PRKD3: variants seen among roughly 807,000 people sequenced by gnomAD.
PRKD3 encodes serine/threonine-protein kinase D3.
A neutral mutation model predicts 99.2 loss-of-function variants in PRKD3; 47 were observed. The ratio of observed to expected loss-of-function variants is 0.47; its 90% confidence interval spans 0.38 to 0.60. The LOEUF (loss-of-function observed/expected upper bound fraction) is 0.60, where lower values mean the gene tolerates loss of function less well. PRKD3 is among the 20% of genes least tolerant of loss of function. The probability of loss-of-function intolerance (pLI) is 0.00; values close to 1 mark genes in which losing one functional copy is unlikely to be tolerated. For synonymous variants in PRKD3, 392 were observed against 355.4 expected, an observed-to-expected ratio of 1.10 and a Z score of -1.16; for missense variants, 1,019 against 1,088.4, an observed-to-expected ratio of 0.94 and a Z score of 0.90.
Position 37,286,382 on chromosome 2 carries a change from T to C in PRKD3, c.718-13A>G. On this transcript the variant is annotated splice_polypyrimidine_tract_variant and intron_variant, in intron 5 of 18. Coordinates refer to ENST00000234179, the MANE Select transcript of PRKD3 (RefSeq NM_005813.6). ...GGTGGACATGTGACTATAACATAAG[T>C]AATTTTCATAAGTGTAAGTCAATAT... is the stretch of plus-strand genomic sequence containing the variant. The C allele has an allele frequency of 6.2e-7, 1 of 1,606,034 alleles. No individual in the cohort carries two copies. The highest frequency in any genetic ancestry group is 1.3e-5 in the African/African-American group (1 of 74,832).
At chr2:37,319,665 C>T (rs778916430) in intron 1 of PRKD3, among the ~76,000 whole-genome samples, 1 of 151,814 alleles carries the variant, frequency 6.6e-6, no homozygotes, top group Non-Finnish European at 1.5e-5. Flanking sequence ...ACTGAGAACA[C>T]ATCAGCATCC....
chr2:37,293,076 A>G, intron 3 of PRKD3, 57 bp downstream of exon 3: 2 of 1,463,756 alleles, frequency 1.4e-6, no homozygotes, highest in Non-Finnish European at 1.9e-6. Context: ...CATTTAGTAC[A>G]GAAAATTAGG....
At chr2:37,267,566 G>T (rs1249749397) in intron 13 of PRKD3, 30 bp from the exon 14 acceptor site, 1 of 1,447,938 alleles carries the variant, frequency 6.9e-7, no homozygotes, top group Non-Finnish European at 9.7e-7. Context: ...AGGAACGAAT[G>T]AAGCAAACTG....
chr2:37,258,945 G>C (rs1003455654), intron 16 of PRKD3, among the ~76,000 whole-genome samples: 2 of 152,042 alleles, frequency 1.3e-5, no homozygotes, highest in Admixed American at 1.3e-4. Flanking sequence ...AATGGCTGCA[G>C]GGTACCACCA....
chr2:37,255,572 G>C (rs1667865080), intron 17 of PRKD3, among the ~76,000 whole-genome samples: 1 of 152,172 alleles, frequency 6.6e-6, no homozygotes, highest in African/African-American at 2.4e-5. Context: ...CCACAGGAGA[G>C]AGGAAAACAA....
chr2:37,299,256 C>G (rs1445068662), intron 2 of PRKD3, among the ~76,000 whole-genome samples: 2 of 152,090 alleles, frequency 1.3e-5, no homozygotes, highest in African/African-American at 2.4e-5. Context: ...GCTGAACCAT[C>G]CTCATATTCT....
intron 17 of PRKD3, among the ~76,000 whole-genome samples, chr2:37,256,281 G>A (rs995666883): frequency 5.9e-5 from 9 of 152,194 alleles, no homozygotes; most frequent in African/African-American, 2.2e-4. Context: ...AACTATGCCT[G>A]TAAGGTGGTT....
intron 13 of PRKD3, 190 bp from the exon 14 acceptor site, chr2:37,267,726 GC>G: frequency 3.9e-6 from 2 of 515,400 alleles, no homozygotes; most frequent in South Asian, 5.5e-5. Context: ...CATAATATTT[GC>G]CCCTAATAAA....
At chr2:37,304,815 T>C (rs1671086910) in intron 2 of PRKD3, among the ~76,000 whole-genome samples, 1 of 152,116 alleles carries the variant, frequency 6.6e-6, no homozygotes, top group Non-Finnish European at 1.5e-5. Flanking sequence ...CCTGCCTTTC[T>C]GATACCAACC....
chr2:37,250,770 AACC>A lies in PRKD3; in HGVS notation c.*2404_*2406del, dbSNP rs1667421750. ...AGTATATTTACAAAAAGTTGGATATAACCAAAAAAATATTAAAAATGTACTGAA... is the reference window on the plus strand; with the variant it reads ...AGTATATTTACAAAAAGTTGGATATAAAAAAAATATTAAAAATGTACTGAA... On this transcript the variant is annotated 3_prime_UTR_variant, in exon 19 of 19. Transcript: ENST00000234179. The A allele has an allele frequency of 6.6e-6, 1 of 150,976 alleles. No individual in the cohort carries two copies. The highest frequency in any genetic ancestry group is 6.6e-5 in the Admixed American group (1 of 15,240). The allele number at this position is 150,976 out of a possible 1,614,324, so 9.4% of individuals were successfully genotyped here.
Position 37,274,628 on chromosome 2 carries a change from T to C in PRKD3, c.1444A>G (p.Asn482Asp). 6.2e-7 allele frequency: 1 copy of C among 1,614,114 alleles called. No homozygotes were observed. The highest frequency in any genetic ancestry group is 1.7e-5 in the Admixed American group (1 of 60,020). ...GTAATGATTTCAAAACAGTGTGGAT[T>C]GCTGCCTTGTGAAATGTTTGTGAAA... Reference protein sequence around the residue: ...RDFTNISQGSNPHCFEIITDT... With the variant: ...RDFTNISQGSDPHCFEIITDT... The change falls in exon 11 of 19, where the codon AAT becomes GAT. Residue 482 changes from asparagine to aspartate, a missense_variant. This residue lies in a region of PRKD3 where 710 missense variants were observed against 692.7 expected (regional missense o/e 1.02). Coordinates refer to ENST00000234179, the MANE Select transcript of PRKD3 (RefSeq NM_005813.6).
chr2:37,298,190 G>T (rs917297875), intron 2 of PRKD3, among the ~76,000 whole-genome samples: 4 of 152,100 alleles, frequency 2.6e-5, no homozygotes, highest in African/African-American at 9.7e-5. Flanking sequence ...AGGCAAAAAA[G>T]AGTAGACGGC....
At chr2:37,295,347 G>T (rs142689102) in intron 2 of PRKD3, among the ~76,000 whole-genome samples, 53 of 152,208 alleles carry the variant, frequency 3.5e-4, no homozygotes, top group African/African-American at 1.3e-3. Context: ...TGGAGTAGAG[G>T]GATTCAGTAT....
chr2:37,289,288 T>C, intron 5 of PRKD3, 68 bp downstream of exon 5: 1 of 1,503,560 alleles, frequency 6.7e-7, no homozygotes. Context: ...TCTAGAGTGA[T>C]GTCATACACC....
intron 9 of PRKD3, among the ~76,000 whole-genome samples, chr2:37,277,395 G>A (rs866428647): frequency 1.3e-5 from 2 of 152,052 alleles, no homozygotes; most frequent in African/African-American, 2.4e-5. Context: ...ATTACACTAC[G>A]CTGATTCTTC....
In PRKD3 at chr2:37,316,680, T is replaced by C; in HGVS notation, c.-156A>G. 2 of 1,435,504 alleles carry C rather than the reference T, an allele frequency of 1.4e-6. No homozygotes were observed. The highest frequency in any genetic ancestry group is 1.8e-6 in the Non-Finnish European group (2 of 1,101,724). 88.9% of individuals were successfully genotyped at this position (1,435,504 alleles called of 1,614,324 possible). On this transcript the variant is annotated 5_prime_UTR_variant, in exon 2 of 19. Transcript: ENST00000234179. ...GTTAAGCCACTCATGCCGATACTTT[T>C]AAGTTTTATCAAGGAGTTGAATGCC... is the stretch of plus-strand genomic sequence containing the variant.
At chr2:37,268,451 C>G in intron 13 of PRKD3, 2 of 433,218 alleles carry the variant, frequency 4.6e-6, no homozygotes, top group South Asian at 3.4e-5. Flanking sequence ...TGTCACAATA[C>G]TAGGTGCTAG....
chr2:37,268,415 A>G, intron 13 of PRKD3: 1 of 462,542 alleles, frequency 2.2e-6, no homozygotes, highest in Middle Eastern at 3.3e-4. Context: ...ATGCAGAGTC[A>G]ACACATTTTC....
chr2:37,257,436 C>T (rs547599850), intron 16 of PRKD3, among the ~76,000 whole-genome samples: 20 of 152,002 alleles, frequency 1.3e-4, no homozygotes, highest in South Asian at 2.1e-4. Context: ...GAGGCCGAGG[C>T]GGGCGGATCA....
Sources: gnomAD v4.1 joint callset for allele counts (sites outside exome capture counted in the v4.1 genomes callset) on GRCh38, gnomAD v4.1.1 for gene constraint, gnomAD v4.1.1 regional missense constraint, MANE v1.5 for transcripts, NCBI Gene and HGNC (gene_info 2026-07-23, HGNC 2026-07-21) for gene names.